The following MED12L variants were observed in gnomAD, a reference collection of about 807,000 sequenced individuals.
MED12L encodes the protein mediator of RNA polymerase II transcription subunit 12-like protein.
In MED12L, 60 loss-of-function variants were observed where a neutral mutation model predicts 281.3. The ratio of observed to expected loss-of-function variants is 0.21; its 90% CI spans 0.17 to 0.26. The LOEUF (loss-of-function observed/expected upper bound fraction) is 0.26. Ranked by LOEUF, MED12L falls within the 10% of genes least tolerant of loss-of-function variation. The pLI, the probability that MED12L is intolerant of heterozygous loss-of-function variation, is 1.00. For synonymous variants in MED12L, 974 were observed against 987.2 expected (o/e 0.99, Z 0.25); for missense variants, 2,146 against 2,680.9 (o/e 0.80, Z 4.41).
At chr3:151,262,980 C>T (rs980767710) in intron 16 of MED12L, among the ~76,000 whole-genome samples, 1 of 152,118 alleles carries the variant, frequency 6.6e-6, no homozygotes, top group African/African-American at 2.4e-5. Flanking sequence ...TTCTCTAGGG[C>T]ATCTTAACAT....
At chr3:151,198,885 A>G in intron 16 of MED12L, 1 of 1,614,028 alleles carries the variant, frequency 6.2e-7, no homozygotes, top group South Asian at 1.1e-5. Context: ...TCCTTTTTAA[A>G]CTCCATACAA....
At chr3:151,214,825 G>A (rs986310030) in intron 16 of MED12L, among the ~76,000 whole-genome samples, 21 of 152,110 alleles carry the variant, frequency 1.4e-4, no homozygotes, top group African/African-American at 5.1e-4. Flanking sequence ...GGTAGTAACT[G>A]TAAAAGCAGA....
chr3:151,294,158 CAATA>C, intron 16 of MED12L: 2 of 1,468,866 alleles, frequency 1.4e-6, no homozygotes, highest in Non-Finnish European at 1.9e-6. Context: ...TTCCAACAAA[CAATA>C]AAAGGCCTAC....
chr3:151,410,643 TAA>T (rs1434617850), intron 40 of MED12L, among the ~76,000 whole-genome samples: 1 of 152,214 alleles, frequency 6.6e-6, no homozygotes, highest in Admixed American at 6.5e-5. Flanking sequence ...ATTCATTAGG[TAA>T]ATTAAGTGTT....
At chr3:151,227,851 G>C (rs1158108241) in intron 16 of MED12L, among the ~76,000 whole-genome samples, 1 of 152,090 alleles carries the variant, frequency 6.6e-6, no homozygotes, top group Non-Finnish European at 1.5e-5. Context: ...GTTCTTTGTG[G>C]GTAGGCTGTC....
chr3:151,165,044 A>C (rs552702472), intron 9 of MED12L, among the ~76,000 whole-genome samples: 1 of 151,966 alleles, frequency 6.6e-6, no homozygotes, highest in Non-Finnish European at 1.5e-5. Context: ...AAAAAAAAGA[A>C]TAAGATCCCT....
At chr3:151,172,411 C>T (rs949095988) in intron 11 of MED12L, among the ~76,000 whole-genome samples, 1 of 152,184 alleles carries the variant, frequency 6.6e-6, no homozygotes, top group Non-Finnish European at 1.5e-5. Flanking sequence ...TTAAAAACTG[C>T]AGAATTGGAA....
At chr3:151,103,287 T>C (rs993540341) in intron 2 of MED12L, among the ~76,000 whole-genome samples, 8 of 152,244 alleles carry the variant, frequency 5.3e-5, no homozygotes, top group Admixed American at 5.2e-4. Flanking sequence ...CAGAGGGTGA[T>C]ATGCATTTGA....
At chr3:151,403,450 A>G (rs1414741748) in intron 39 of MED12L, among the ~76,000 whole-genome samples, 2 of 152,216 alleles carry the variant, frequency 1.3e-5, no homozygotes, top group African/African-American at 2.4e-5. Context: ...AACTGTGGTT[A>G]TGAAACTTAC....
chr3:151,172,236 C>T (rs939927527), intron 11 of MED12L, among the ~76,000 whole-genome samples: 10 of 152,194 alleles, frequency 6.6e-5, no homozygotes, highest in African/African-American at 2.4e-4. Context: ...TGATGAGTCT[C>T]AGTTTCCTCA....
intron 16 of MED12L, among the ~76,000 whole-genome samples, chr3:151,282,390 C>G (rs1396155783): frequency 6.7e-6 from 1 of 150,172 alleles, no homozygotes; most frequent in African/African-American, 2.5e-5. Flanking sequence ...GTTTTGCTGG[C>G]AAGTTATTTA....
In MED12L at chr3:151,260,923, TCTGGC is replaced by T. The variant is rs1045095521; in HGVS notation, c.2250+67260_2250+67264del. Among the ~76,000 whole-genome samples, 13 of 152,310 alleles carry T rather than the reference TCTGGC, an allele frequency of 8.5e-5. No individual in the cohort carries two copies. In the South Asian group the frequency reaches 1.7e-3, roughly 19 times the overall value. ...ATCTTGACGGCGTCACATCCATTTTTCTGGCCTTCCAGTTTCCATCTCCCCAGACT... is the reference window on the plus strand; with the variant it reads ...ATCTTGACGGCGTCACATCCATTTTTCTTCCAGTTTCCATCTCCCCAGACT... On this transcript the variant is annotated intron_variant, in intron 16 of 44. Transcript: ENST00000687756.
chr3:151,176,089 C>G (rs1030100118), intron 11 of MED12L, among the ~76,000 whole-genome samples: 1 of 152,146 alleles, frequency 6.6e-6, no homozygotes, highest in Admixed American at 6.5e-5. Context: ...AGTGTGGACC[C>G]CTGTCCCACT....
intron 5 of MED12L, among the ~76,000 whole-genome samples, chr3:151,146,483 A>G (rs1717775700): frequency 6.6e-6 from 1 of 152,142 alleles, no homozygotes; most frequent in Non-Finnish European, 1.5e-5. Flanking sequence ...TTGTAGCCTC[A>G]TATCCCAGTA....
At position 151,132,757 on chromosome 3, in the gene MED12L, T is replaced by C. The variant is rs115801446; in HGVS notation, c.556+4773T>C. ...GAAAAGAGCATGTTTTCCAAATATC[T>C]AATCTTGTTTTACTATCACTTTGTT... is the stretch of plus-strand genomic sequence containing the variant. On this transcript the variant is annotated intron_variant, in intron 5 of 44. Coordinates refer to ENST00000687756, the MANE Select transcript of MED12L (RefSeq NM_001393769.1). Among the ~76,000 whole-genome samples, 1,280 of 152,346 alleles carry C rather than the reference T, an allele frequency of 8.4e-3. 24 individuals carry two copies. Among genetic ancestry groups the C allele is most frequent in the African/African-American group, 0.029 (1,222 of 41,572 alleles).
intron 7 of MED12L, 24 bp from the exon 8 acceptor site, chr3:151,159,808 G>A: frequency 1.3e-6 from 2 of 1,597,878 alleles, no homozygotes; most frequent in South Asian, 2.2e-5. Flanking sequence ...CATGACTGAA[G>A]TCTGGTGTCC....
chr3:151,392,109 T>C lies in MED12L; in HGVS notation c.5608+1974T>C, dbSNP rs557840592. On this transcript the variant is annotated intron_variant, in intron 38 of 44. Coordinates refer to ENST00000687756, the MANE Select transcript of MED12L (RefSeq NM_001393769.1). ...TGTAAAAGCACATAATCTCTCCCTA[T>C]AGAATACTATAGAAAGCTTTTTATA... 5.3e-5 allele frequency among the ~76,000 whole-genome samples: 8 copies of C among 152,292 alleles called. No homozygotes were observed. In the South Asian group the frequency reaches 1.7e-3, roughly 32 times the overall value.
rs138911585 is a variant in MED12L at position 151,313,433 on chromosome 3, C to T, written c.2251-36626C>T. Among the ~76,000 whole-genome samples, 481 of 152,096 alleles carry T rather than the reference C, an allele frequency of 3.2e-3. 2 individuals are homozygous for T. The highest frequency in any genetic ancestry group is 0.011 in the African/African-American group (445 of 41,456). On this transcript the variant is annotated intron_variant, in intron 16 of 44. Transcript: ENST00000687756. ...CAAATACAGCGTGGTTGACTGTGGG[C>T]AGTGGTTCAAGGTCAGAGCTGTGCT...
intron 36 of MED12L, 88 bp from the exon 37 acceptor site, chr3:151,387,722 G>A: frequency 4.0e-6 from 6 of 1,481,746 alleles, no homozygotes; most frequent in East Asian, 2.3e-5. Flanking sequence ...CAGCCAAAGT[G>A]TTCTCTGACT....
Sources: gnomAD v4.1 joint callset for allele counts (sites outside exome capture counted in the v4.1 genomes callset) on GRCh38, gnomAD v4.1.1 for gene constraint, MANE v1.5 for transcripts, NCBI Gene and HGNC (gene_info 2026-07-23, HGNC 2026-07-21) for gene names.